Variants in PIK3C2G observed in about 807,000 individuals in gnomAD.
PIK3C2G encodes the protein phosphatidylinositol-4-phosphate 3-kinase catalytic subunit type 2 gamma.
In PIK3C2G, 168 loss-of-function variants were observed where a neutral mutation model predicts 181.1. The ratio of observed to expected loss-of-function variants is 0.93; its 90% confidence interval spans 0.82 to 1.05. PIK3C2G has a LOEUF of 1.05. Among genes scored for constraint, PIK3C2G ranks in the 50% least tolerant of loss-of-function variants. The pLI is 0.00. For synonymous variants in PIK3C2G, 573 were observed against 592.2 expected, an observed-to-expected ratio of 0.97 and a Z score of 0.47; for missense variants, 1,869 against 1,732.8, an observed-to-expected ratio of 1.08 and a Z score of -1.40.
intron 26 of PIK3C2G, among the ~76,000 whole-genome samples, chr12:18,550,746 G>A (rs1944687067): frequency 6.6e-6 from 1 of 151,970 alleles, no homozygotes; most frequent in Non-Finnish European, 1.5e-5. Flanking sequence ...ACAGACAAAA[G>A]TAAGACAAGA....
At chr12:18,496,220 A>C (rs1592408565) in intron 21 of PIK3C2G, 66 bp downstream of exon 21, 1 of 951,046 alleles carries the variant, frequency 1.1e-6, no homozygotes, top group African/African-American at 1.7e-5. Flanking sequence ...TTACTCACAA[A>C]AAGAAATTGT....
intron 29 of PIK3C2G, among the ~76,000 whole-genome samples, chr12:18,568,384 TTG>T (rs56936466): frequency 0.059 from 8,572 of 145,400 alleles, 284 homozygotes; most frequent in Non-Finnish European, 0.08. Context: ...ACCAACAAAA[TTG>T]TGTGTGTGTG....
chr12:18,268,783 T>C (rs1279867761), intron 1 of PIK3C2G, among the ~76,000 whole-genome samples: 1 of 152,204 alleles, frequency 6.6e-6, no homozygotes, highest in Non-Finnish European at 1.5e-5. Flanking sequence ...ATTACCAGTG[T>C]ATTCAACTTA....
chr12:18,547,653 A>ACAAAACAAAACAAAG (rs1273685672), intron 26 of PIK3C2G, among the ~76,000 whole-genome samples: 1 of 151,796 alleles, frequency 6.6e-6, no homozygotes, highest in Non-Finnish European at 1.5e-5. Flanking sequence ...CAAAAACAAA[A>ACAAAACAAAACAAAG]CAAAACAAAA....
At chr12:18,243,413 A>G (rs1181689630), upstream of PIK3C2G, among the ~76,000 whole-genome samples, 1 of 152,010 alleles carries the variant, frequency 6.6e-6, no homozygotes, top group Non-Finnish European at 1.5e-5. Flanking sequence ...TAGAGATGGC[A>G]CCATCCCAGA....
intron 13 of PIK3C2G, among the ~76,000 whole-genome samples, chr12:18,371,992 A>T (rs1340529494): frequency 6.6e-6 from 1 of 152,200 alleles, no homozygotes; most frequent in East Asian, 1.9e-4. Context: ...TCAAAAAATC[A>T]GAACATATAT....
chr12:18,576,539 T>C (rs892294488), intron 29 of PIK3C2G, among the ~76,000 whole-genome samples: 2 of 152,174 alleles, frequency 1.3e-5, no homozygotes, highest in African/African-American at 4.8e-5. Context: ...ATATTAGTAG[T>C]AGGAGGAAAC....
the PIK3C2G span, chr12:18,694,823 G>A: frequency 9.4e-7 from 1 of 1,064,812 alleles, no homozygotes; most frequent in Non-Finnish European, 1.3e-6. Context: ...AGAAATTGAA[G>A]CAAATCAGTG....
At chr12:18,563,284 C>T (rs1229367311) in intron 27 of PIK3C2G, 93 bp from the exon 28 acceptor site, 5 of 1,158,392 alleles carry the variant, frequency 4.3e-6, no homozygotes, top group Admixed American at 5.3e-5. Context: ...CAGAAAGGTA[C>T]TTCCTTTGTT....
At chr12:18,273,640 T>C (rs1382833463) in intron 1 of PIK3C2G, among the ~76,000 whole-genome samples, 1 of 152,098 alleles carries the variant, frequency 6.6e-6, no homozygotes, top group East Asian at 1.9e-4. Context: ...TTACACCTTA[T>C]ACAAAAATTA....
the PIK3C2G span, among the ~76,000 whole-genome samples, chr12:18,674,407 C>T: frequency 1.3e-5 from 2 of 151,952 alleles, no homozygotes; most frequent in East Asian, 1.9e-4. Flanking sequence ...ACAGTGGAAG[C>T]GTGTTGGTTT....
At chr12:18,422,430 G>T (rs182776421) in intron 17 of PIK3C2G, among the ~76,000 whole-genome samples, 35 of 152,128 alleles carry the variant, frequency 2.3e-4, no homozygotes, top group Admixed American at 1.3e-3. Flanking sequence ...CCTGTTGGTT[G>T]TTCTCTTGAA....
At chr12:18,650,706 A>ATATC (rs1950453254), downstream of PIK3C2G, among the ~76,000 whole-genome samples, 6 of 8,368 alleles carry the variant, frequency 7.2e-4, no homozygotes, top group East Asian at 4.2e-3. Flanking sequence ...GTGTGTGTGT[A>ATATC]TATATCTATA....
chr12:18,649,900 C>G (rs2594829), downstream of PIK3C2G, among the ~76,000 whole-genome samples: 17,583 of 152,036 alleles, frequency 0.12, 1,276 homozygotes, highest in African/African-American at 0.2. Context: ...TCTTAGTCTT[C>G]TGTGTGGGAG....
intron 26 of PIK3C2G, among the ~76,000 whole-genome samples, chr12:18,559,846 A>AGAGAGAGAGAGAGAGG (rs1945253080): frequency 7.4e-6 from 1 of 135,966 alleles, no homozygotes; most frequent in Non-Finnish European, 1.6e-5. Context: ...AGAGAGAGAG[A>AGAGAGAGAGAGAGAGG]GAGAGAGAGA....
At chr12:18,456,566 C>A (rs1455502319) in intron 18 of PIK3C2G, among the ~76,000 whole-genome samples, 3 of 152,162 alleles carry the variant, frequency 2.0e-5, no homozygotes, top group South Asian at 2.1e-4. Context: ...CCAACCTAAT[C>A]TTTTATTATG....
In PIK3C2G at chr12:18,386,719, G is replaced by A. The variant is rs144785752; in HGVS notation, c.1996-4403G>A. On this transcript the variant is annotated intron_variant, in intron 14 of 32. Coordinates refer to ENST00000538779, the MANE Select transcript of PIK3C2G (RefSeq NM_001288772.2). ...CCCTATTTTATTTATTAATTTATCC[G>A]TCAATGTACATTTGGATTCTTTCCA... Among the ~76,000 whole-genome samples the A allele has an allele frequency of 8.7e-4, 132 of 151,816 alleles. No individual in the cohort carries two copies. The Middle Eastern group carries it at 0.01, about 12-fold the overall frequency.
intron 1 of PIK3C2G, among the ~76,000 whole-genome samples, chr12:18,251,715 T>C (rs906479766): frequency 4.6e-5 from 7 of 152,040 alleles, no homozygotes; most frequent in Non-Finnish European, 2.9e-5. Flanking sequence ...AAATTAATAA[T>C]AACCATAGCT....
the PIK3C2G span, among the ~76,000 whole-genome samples, chr12:18,664,242 T>A: frequency 6.6e-6 from 1 of 152,208 alleles, no homozygotes; most frequent in African/African-American, 2.4e-5. Context: ...AACATAGATT[T>A]ACCACATAAT....
Sources: gnomAD v4.1 joint callset for allele counts (sites outside exome capture counted in the v4.1 genomes callset) on GRCh38, gnomAD v4.1.1 for gene constraint, MANE v1.5 for transcripts, NCBI Gene and HGNC (gene_info 2026-07-23, HGNC 2026-07-21) for gene names.